The following FRMD4A variants were observed in gnomAD, a reference collection of about 807,000 sequenced individuals.
FRMD4A encodes the protein FERM domain containing 4A, also known as FERM domain-containing protein 4A.
FRMD4A carries 29 observed loss-of-function variants against 129.1 expected under a neutral mutation model. The observed-to-expected ratio is 0.22, with a 90% CI of 0.17 to 0.31. FRMD4A has a LOEUF of 0.31. Ranked by LOEUF, FRMD4A falls within the 10% of genes least tolerant of loss-of-function variation. FRMD4A has a pLI of 1.00. For synonymous variants in FRMD4A, 634 were observed against 571.6 expected (o/e 1.11, Z -1.56); for missense variants, 1,272 against 1,375.8 (o/e 0.92, Z 1.19).
At chr10:14,189,301 C>T (rs565665511) in intron 2 of FRMD4A, among the ~76,000 whole-genome samples, 8 of 152,192 alleles carry the variant, frequency 5.3e-5, no homozygotes, top group Non-Finnish European at 8.8e-5. Flanking sequence ...GGGCCCGGCG[C>T]GGTTGCTCAC....
At chr10:13,947,795 G>A (rs568068791) in intron 2 of FRMD4A, among the ~76,000 whole-genome samples, 197 of 152,192 alleles carry the variant, frequency 1.3e-3, no homozygotes, top group African/African-American at 4.6e-3. Context: ...TGCCTCATTG[G>A]ATGGTTATTC....
At chr10:13,840,526 T>C (rs959260314) in intron 3 of FRMD4A, among the ~76,000 whole-genome samples, 8 of 152,276 alleles carry the variant, frequency 5.3e-5, no homozygotes, top group South Asian at 2.1e-4. Flanking sequence ...GGTTGGCTCA[T>C]GTCTGTAATC....
chr10:14,276,417 CA>C (rs1236925216), intron 2 of FRMD4A, among the ~76,000 whole-genome samples: 1 of 152,218 alleles, frequency 6.6e-6, no homozygotes, highest in Non-Finnish European at 1.5e-5. Flanking sequence ...GCACAAACCT[CA>C]CCACACGTCT....
rs565476689 is a variant in FRMD4A at position 13,646,852 on chromosome 10, G to A, written c.*186C>T. On this transcript the variant is annotated 3_prime_UTR_variant, in exon 25 of 25. Transcript: ENST00000357447. Reference sequence around the variant, plus strand: ...AGGGCCAAAGCTGGTGCAGGGTGACGGTGCGTCTGGGTAAGGCAAATGAGA... The same window carrying A: ...AGGGCCAAAGCTGGTGCAGGGTGACAGTGCGTCTGGGTAAGGCAAATGAGA... The A allele has an allele frequency of 1.2e-4, 25 of 207,948 alleles. No individual in the cohort carries two copies. Among genetic ancestry groups the A allele is most frequent in the Non-Finnish European group, 1.6e-4 (19 of 118,558 alleles). 12.9% of individuals were successfully genotyped at this position (207,948 alleles called of 1,614,324 possible). A position where few individuals can be genotyped will look rare whatever the true frequency, so the allele number is the denominator to read the frequency against.
intron 2 of FRMD4A, among the ~76,000 whole-genome samples, chr10:14,012,526 GGA>G: frequency 6.6e-6 from 1 of 152,176 alleles, no homozygotes; most frequent in Non-Finnish European, 1.5e-5. Context: ...ATGTTCCATT[GGA>G]GAGAGAACAT....
At chr10:14,161,097 G>C (rs957755767) in intron 2 of FRMD4A, among the ~76,000 whole-genome samples, 4 of 152,130 alleles carry the variant, frequency 2.6e-5, no homozygotes, top group Non-Finnish European at 5.9e-5. Context: ...TGGGATTACA[G>C]GCACCTGCCA....
intron 2 of FRMD4A, among the ~76,000 whole-genome samples, chr10:14,062,921 T>C (rs1291437559): frequency 1.3e-5 from 2 of 152,224 alleles, no homozygotes; most frequent in African/African-American, 2.4e-5. Flanking sequence ...CCACACCAGT[T>C]GTCATTTTAT....
chr10:14,327,678 T>C (rs954050307), intron 2 of FRMD4A, among the ~76,000 whole-genome samples: 1 of 152,192 alleles, frequency 6.6e-6, no homozygotes, highest in East Asian at 1.9e-4. Context: ...GCAAGGGGTG[T>C]GGCCAGATCA....
intron 2 of FRMD4A, among the ~76,000 whole-genome samples, chr10:13,989,205 C>CT (rs1257027026): frequency 6.6e-5 from 10 of 152,100 alleles, no homozygotes; most frequent in Non-Finnish European, 1.5e-4. Flanking sequence ...GTGGCTCCTG[C>CT]TTCTGAGTGG....
chr10:13,943,646 C>A (rs1253731725), intron 2 of FRMD4A, among the ~76,000 whole-genome samples: 2 of 58,268 alleles, frequency 3.4e-5, no homozygotes, highest in South Asian at 1.1e-3. Flanking sequence ...GACTCTGTCT[C>A]AAAAAAAAAA....
Position 14,193,858 on chromosome 10 carries a change from G to A in FRMD4A, c.45+136200C>T, listed in dbSNP as rs531608362. On this transcript the variant is annotated intron_variant, in intron 2 of 24. Transcript: ENST00000357447. ...GCGTTGCTCCTTTCCTAGACTTCTT[G>A]GTCCCTAAAAGGTTCTGTGGTGAAC... 5.8e-4 allele frequency among the ~76,000 whole-genome samples: 89 copies of A among 152,156 alleles called. No homozygotes were observed. The Middle Eastern group carries it at 0.01, about 17-fold the overall frequency.
intron 2 of FRMD4A, among the ~76,000 whole-genome samples, chr10:14,259,174 T>C (rs1424055438): frequency 6.6e-6 from 1 of 152,188 alleles, no homozygotes; most frequent in Non-Finnish European, 1.5e-5. Flanking sequence ...GACAAACCTG[T>C]AAACAGTAAC....
intron 5 of FRMD4A, among the ~76,000 whole-genome samples, chr10:13,788,574 G>C (rs150281892): frequency 1.3e-5 from 2 of 152,176 alleles, no homozygotes; most frequent in African/African-American, 4.8e-5. Flanking sequence ...ATTTTAAACG[G>C]GTTTTGGGGG....
intron 18 of FRMD4A, among the ~76,000 whole-genome samples, 167 bp from the exon 19 acceptor site, chr10:13,663,676 C>T (rs2274353): frequency 0.8 from 121,561 of 151,736 alleles, 48,964 homozygotes; most frequent in East Asian, 0.87. Context: ...TGTCAGTCCC[C>T]GTGGTGGGTC....
At chr10:14,214,839 G>T (rs767446253) in intron 2 of FRMD4A, among the ~76,000 whole-genome samples, 2 of 152,160 alleles carry the variant, frequency 1.3e-5, no homozygotes, top group Non-Finnish European at 2.9e-5. Flanking sequence ...GCTTTGTATT[G>T]TGCCTACATA....
At chr10:13,925,233 GATTCACTGACTGC>G (rs2095117908) in intron 2 of FRMD4A, among the ~76,000 whole-genome samples, 1 of 152,128 alleles carries the variant, frequency 6.6e-6, no homozygotes, top group Non-Finnish European at 1.5e-5. Flanking sequence ...TCAGAATTTA[GATTCACTGACTGC>G]ACCAATGGTG....
chr10:14,239,749 A>T (rs917989204), intron 2 of FRMD4A, among the ~76,000 whole-genome samples: 1 of 152,244 alleles, frequency 6.6e-6, no homozygotes, highest in African/African-American at 2.4e-5. Context: ...GACTGTTGAG[A>T]TTGCACAGAC....
intron 2 of FRMD4A, among the ~76,000 whole-genome samples, chr10:13,938,276 C>T (rs1295230843): frequency 6.6e-6 from 1 of 152,078 alleles, no homozygotes; most frequent in Non-Finnish European, 1.5e-5. Flanking sequence ...CAGTCTTGTT[C>T]TGTTGCCCAG....
At chr10:13,797,771 G>A (rs2093153098) in intron 4 of FRMD4A, among the ~76,000 whole-genome samples, 3 of 152,208 alleles carry the variant, frequency 2.0e-5, no homozygotes, top group Admixed American at 2.0e-4. Context: ...TGTGGATAAT[G>A]AGAAACAAAA....
Sources: allele counts gnomAD v4.1 joint callset (sites outside exome capture counted in the v4.1 genomes callset), GRCh38; gene constraint gnomAD v4.1.1; transcripts MANE v1.5; gene names NCBI Gene and HGNC (gene_info 2026-07-23, HGNC 2026-07-21).